Variants in HHAT observed in about 807,000 individuals in gnomAD.
HHAT encodes the protein protein-cysteine N-palmitoyltransferase HHAT.
HHAT carries 47 observed loss-of-function variants against 70.8 expected under a neutral mutation model. The observed-to-expected ratio is 0.66, with a 90% CI of 0.53 to 0.85. HHAT has a LOEUF of 0.85. Ranked by LOEUF, HHAT falls within the 40% of genes least tolerant of loss-of-function variation. The probability of loss-of-function intolerance (pLI) is 0.00; values close to 1 mark genes in which losing one functional copy is unlikely to be tolerated. For synonymous variants in HHAT, 228 were observed against 247.6 expected (o/e 0.92, Z 0.74); for missense variants, 609 against 604.8 (o/e 1.01, Z -0.07).
intron 10 of HHAT, among the ~76,000 whole-genome samples, chr1:210,607,268 G>A (rs1008242774): frequency 3.3e-5 from 5 of 151,728 alleles, no homozygotes; most frequent in African/African-American, 1.2e-4. Context: ...TATTAAAATG[G>A]GTTGACTTTG....
intron 10 of HHAT, among the ~76,000 whole-genome samples, chr1:210,597,388 C>T (rs549322063): frequency 2.6e-5 from 4 of 152,262 alleles, no homozygotes; most frequent in Admixed American, 2.0e-4. Flanking sequence ...GTGGCAAAGG[C>T]AGCCAGACTT....
At chr1:210,581,666 T>C (rs1659290941) in intron 9 of HHAT, among the ~76,000 whole-genome samples, 1 of 152,198 alleles carries the variant, frequency 6.6e-6, no homozygotes, top group Non-Finnish European at 1.5e-5. Context: ...AGTAGGGTAA[T>C]TAGGATTACA....
intron 10 of HHAT, among the ~76,000 whole-genome samples, chr1:210,609,077 G>A (rs1188476818): frequency 2.0e-5 from 3 of 152,112 alleles, no homozygotes; most frequent in East Asian, 1.9e-4. Context: ...CCTCCACCTG[G>A]TCTCTTCTTT....
intron 7 of HHAT, among the ~76,000 whole-genome samples, chr1:210,437,945 G>A (rs1047273494): frequency 1.3e-5 from 2 of 151,758 alleles, no homozygotes. Flanking sequence ...CTTGTTTGCT[G>A]TCCTTTGGGG....
intron 6 of HHAT, among the ~76,000 whole-genome samples, chr1:210,411,605 A>G (rs2092557113): frequency 6.7e-6 from 1 of 149,896 alleles, no homozygotes; most frequent in African/African-American, 2.4e-5. Context: ...ATAAAAAAAA[A>G]TCAGCCAGGC....
intron 8 of HHAT, among the ~76,000 whole-genome samples, chr1:210,508,815 A>C (rs566832949): frequency 6.6e-6 from 1 of 152,336 alleles, no homozygotes; most frequent in African/African-American, 2.4e-5. Context: ...ATGCACTGTT[A>C]ATTTCTCTCT....
chr1:210,403,296 AAAAAT>A (rs1211348018), intron 5 of HHAT, among the ~76,000 whole-genome samples: 1 of 152,254 alleles, frequency 6.6e-6, no homozygotes, highest in Non-Finnish European at 1.5e-5. Context: ...GATTTACAGT[AAAAAT>A]AAAAACAAGC....
intron 7 of HHAT, among the ~76,000 whole-genome samples, chr1:210,444,569 T>C (rs2093595091): frequency 6.6e-6 from 1 of 151,146 alleles, no homozygotes; most frequent in African/African-American, 2.4e-5. Context: ...CCTGGTTTAG[T>C]CTTGGGAGAG....
intron 8 of HHAT, among the ~76,000 whole-genome samples, chr1:210,494,837 C>A (rs1572832375): frequency 6.6e-6 from 1 of 152,116 alleles, no homozygotes; most frequent in Non-Finnish European, 1.5e-5. Flanking sequence ...CAGGCATGAG[C>A]CACTGTGCCC....
intron 3 of HHAT, among the ~76,000 whole-genome samples, chr1:210,381,169 C>T (rs985411251): frequency 6.6e-5 from 10 of 151,978 alleles, no homozygotes; most frequent in Non-Finnish European, 1.0e-4. Flanking sequence ...TCCTGGATAA[C>T]AAAGCCTAAT....
At chr1:210,666,350 C>T (rs773619625) in intron 11 of HHAT, among the ~76,000 whole-genome samples, 1 of 152,316 alleles carries the variant, frequency 6.6e-6, no homozygotes, top group Non-Finnish European at 1.5e-5. Context: ...AAAGCTTTTC[C>T]AGTCCTCCTG....
intron 11 of HHAT, among the ~76,000 whole-genome samples, chr1:210,670,636 T>C (rs1288676251): frequency 6.6e-6 from 1 of 152,162 alleles, no homozygotes; most frequent in Non-Finnish European, 1.5e-5. Flanking sequence ...ATCACAAATC[T>C]TACTCCTGAG....
At chr1:210,350,585 A>G (rs11119465) in intron 2 of HHAT, among the ~76,000 whole-genome samples, 4 of 152,214 alleles carry the variant, frequency 2.6e-5, no homozygotes, top group African/African-American at 9.6e-5. Flanking sequence ...CATTGCTGAT[A>G]TATAGGAAAG....
At chr1:210,542,848 G>A (rs921192961) in intron 9 of HHAT, among the ~76,000 whole-genome samples, 1 of 152,020 alleles carries the variant, frequency 6.6e-6, no homozygotes, top group African/African-American at 2.4e-5. Flanking sequence ...TTAAGTATAC[G>A]TGTTGTATAT....
intron 3 of HHAT, among the ~76,000 whole-genome samples, chr1:210,377,318 A>G (rs2090306326): frequency 6.6e-6 from 1 of 152,034 alleles, no homozygotes; most frequent in South Asian, 2.1e-4. Context: ...TTCATTGTTT[A>G]TAGCTCTTTT....
chr1:210,484,296 A>C (rs938755186), intron 8 of HHAT, among the ~76,000 whole-genome samples: 1 of 152,116 alleles, frequency 6.6e-6, no homozygotes, highest in East Asian at 1.9e-4. Context: ...TTAATAGAAC[A>C]CTCATAATTT....
Position 210,540,814 on chromosome 1 carries a change from T to A in HHAT, c.1043+27626T>A, listed in dbSNP as rs2095422953. On this transcript the variant is annotated intron_variant, in intron 9 of 11. Coordinates refer to ENST00000261458, the MANE Select transcript of HHAT (RefSeq NM_018194.6). ...TGTGCCTCACCACACCCAGCTTAAT[T>A]TTATATTTAAATAAAGTATTGCTTT... Among the ~76,000 whole-genome samples, 3 of 152,118 alleles carry A rather than the reference T, an allele frequency of 2.0e-5. No homozygotes were observed. The South Asian group carries it at 6.2e-4, about 32-fold the overall frequency.
intron 9 of HHAT, among the ~76,000 whole-genome samples, chr1:210,560,973 C>A (rs940682541): frequency 6.6e-6 from 1 of 151,738 alleles, no homozygotes; most frequent in Admixed American, 6.6e-5. Context: ...AGCTAATGAT[C>A]ACTGAGGCCA....
intron 8 of HHAT, among the ~76,000 whole-genome samples, chr1:210,473,198 G>A (rs952435365): frequency 6.6e-6 from 1 of 152,142 alleles, no homozygotes; most frequent in African/African-American, 2.4e-5. Context: ...ATTTCTTTCA[G>A]GGCCTGCTAT....
Sources: allele counts gnomAD v4.1 joint callset (sites outside exome capture counted in the v4.1 genomes callset), GRCh38; gene constraint gnomAD v4.1.1; transcripts MANE v1.5; gene names NCBI Gene and HGNC (gene_info 2026-07-23, HGNC 2026-07-21).